The following KIAA1671 variants were observed in gnomAD, a reference collection of about 807,000 sequenced individuals.
The protein encoded by KIAA1671 is KIAA1671.
A neutral mutation model predicts 131.2 loss-of-function variants in KIAA1671; 52 were observed. The ratio of observed to expected loss-of-function variants is 0.40; its 90% confidence interval spans 0.32 to 0.50. The LOEUF (loss-of-function observed/expected upper bound fraction) is 0.50, where lower values mean the gene tolerates loss of function less well. Ranked by LOEUF, KIAA1671 falls within the 20% of genes least tolerant of loss-of-function variation. The probability of loss-of-function intolerance (pLI) is 0.73; values close to 1 mark genes in which losing one functional copy is unlikely to be tolerated. For missense variants in KIAA1671, 2,360 were observed against 2,364.2 expected (o/e 1.00, Z 0.04); for synonymous variants, 1,003 against 961.6 (o/e 1.04, Z -0.80).
intron 1 of KIAA1671, among the ~76,000 whole-genome samples, chr22:24,975,307 A>G (rs1922855059): frequency 6.7e-6 from 1 of 149,406 alleles, no homozygotes; most frequent in South Asian, 2.1e-4. Flanking sequence ...AGTATCAGTG[A>G]TTCTTTTTTT....
At chr22:25,081,940 A>G (rs1342715037) in intron 6 of KIAA1671, among the ~76,000 whole-genome samples, 1 of 152,068 alleles carries the variant, frequency 6.6e-6, no homozygotes, top group Non-Finnish European at 1.5e-5. Flanking sequence ...GCATGTCTAT[A>G]TTTCCAGCTA....
chr22:25,129,012 G>T (rs1322016234), intron 6 of KIAA1671, among the ~76,000 whole-genome samples: 1 of 152,156 alleles, frequency 6.6e-6, no homozygotes, highest in Admixed American at 6.5e-5. Flanking sequence ...GACCAAGGGA[G>T]GCAGCCGCAC....
At chr22:25,118,354 C>T (rs1435295809) in intron 6 of KIAA1671, among the ~76,000 whole-genome samples, 2 of 152,066 alleles carry the variant, frequency 1.3e-5, no homozygotes, top group Admixed American at 6.6e-5. Flanking sequence ...TGTCCCTGAA[C>T]ATGGGAGCCT....
chr22:24,957,671 CTTTTTTTTTTT>C (rs886130979), intron 1 of KIAA1671, among the ~76,000 whole-genome samples: 2 of 100,322 alleles, frequency 2.0e-5, no homozygotes, highest in Admixed American at 1.0e-4. Flanking sequence ...TCTTTTGTTC[CTTTTTTTTTTT>C]TTTTTTTTTT....
At chr22:25,148,839 G>A (rs1932944816) in intron 6 of KIAA1671, among the ~76,000 whole-genome samples, 1 of 152,198 alleles carries the variant, frequency 6.6e-6, no homozygotes, top group Non-Finnish European at 1.5e-5. Context: ...AATGAACAGT[G>A]TTTACTGCAA....
chr22:25,180,352 A>G (rs1160675596), intron 9 of KIAA1671, among the ~76,000 whole-genome samples: 1 of 152,230 alleles, frequency 6.6e-6, no homozygotes, highest in Non-Finnish European at 1.5e-5. Context: ...CATTCTGGCC[A>G]ACATGGTGAA....
chr22:25,024,777 C>T (rs1274010717), intron 1 of KIAA1671: 2 of 152,172 alleles, frequency 1.3e-5, no homozygotes, highest in Non-Finnish European at 2.9e-5. Flanking sequence ...GTGCTAGCCA[C>T]TAGGGATTTG....
intron 1 of KIAA1671, among the ~76,000 whole-genome samples, chr22:25,001,891 T>C (rs1305873362): frequency 3.9e-5 from 6 of 152,038 alleles, no homozygotes; most frequent in Non-Finnish European, 8.8e-5. Flanking sequence ...TTCTACATTA[T>C]GTAAATAAGT....
intron 1 of KIAA1671, among the ~76,000 whole-genome samples, chr22:24,993,802 G>A (rs543620853): frequency 3.9e-4 from 60 of 152,248 alleles, no homozygotes; most frequent in Admixed American, 3.8e-3. Context: ...AAGTGCAGCC[G>A]GGTATGGTGG....
At chr22:24,988,332 A>G (rs942596636) in intron 1 of KIAA1671, among the ~76,000 whole-genome samples, 2 of 150,902 alleles carry the variant, frequency 1.3e-5, no homozygotes, top group East Asian at 3.9e-4. Flanking sequence ...CCAAACTGGG[A>G]GCACTTGTTA....
chr22:25,128,144 C>T (rs1175478238), intron 6 of KIAA1671, among the ~76,000 whole-genome samples: 4 of 152,098 alleles, frequency 2.6e-5, no homozygotes, highest in Admixed American at 6.6e-5. Context: ...CCTGGTGCCA[C>T]GAGGAGAGTA....
chr22:25,020,666 C>T (rs1925615852), intron 1 of KIAA1671, among the ~76,000 whole-genome samples: 2 of 152,098 alleles, frequency 1.3e-5, no homozygotes, highest in Admixed American at 6.5e-5. Flanking sequence ...CTGAACAAGC[C>T]CCACTCATGG....
intron 5 of KIAA1671, among the ~76,000 whole-genome samples, chr22:25,048,136 A>G (rs1927346745): frequency 6.6e-6 from 1 of 152,170 alleles, no homozygotes; most frequent in Admixed American, 6.5e-5. Flanking sequence ...TGGATGGGCA[A>G]GGTGTGGGAG....
intron 6 of KIAA1671, among the ~76,000 whole-genome samples, chr22:25,070,967 A>G (rs1294256726): frequency 6.6e-6 from 1 of 152,234 alleles, no homozygotes; most frequent in Non-Finnish European, 1.5e-5. Flanking sequence ...ATGAAATGCC[A>G]AAGTCAGGGA....
intron 6 of KIAA1671, among the ~76,000 whole-genome samples, chr22:25,081,049 C>A (rs1929377012): frequency 1.3e-5 from 2 of 152,062 alleles, no homozygotes; most frequent in African/African-American, 2.4e-5. Context: ...TTAGAAGGGG[C>A]ATGCCAATCT....
At chr22:25,019,737 A>G (rs893138843) in intron 1 of KIAA1671, among the ~76,000 whole-genome samples, 2 of 151,492 alleles carry the variant, frequency 1.3e-5, no homozygotes, top group Admixed American at 6.6e-5. Context: ...AAGTGCTTCC[A>G]CTTTCCTGTG....
chr22:25,042,187 A>G (rs1926965298), intron 5 of KIAA1671, among the ~76,000 whole-genome samples: 1 of 152,220 alleles, frequency 6.6e-6, no homozygotes, highest in Non-Finnish European at 1.5e-5. Context: ...GTTCAGCCCA[A>G]ACAAGACTTG....
At chr22:25,184,399 A>G (rs1450924281) in intron 10 of KIAA1671, among the ~76,000 whole-genome samples, 1 of 152,194 alleles carries the variant, frequency 6.6e-6, no homozygotes, top group African/African-American at 2.4e-5. Flanking sequence ...GGACAATGGT[A>G]ATGACTGCTG....
chr22:24,970,612 C>A (rs1166766787), intron 1 of KIAA1671, among the ~76,000 whole-genome samples: 1 of 151,970 alleles, frequency 6.6e-6, no homozygotes, highest in Non-Finnish European at 1.5e-5. Flanking sequence ...TCCTTCTCAT[C>A]ATCATCATCA....
Sources: gnomAD v4.1 joint callset for allele counts (sites outside exome capture counted in the v4.1 genomes callset) on GRCh38, gnomAD v4.1.1 for gene constraint, MANE v1.5 for transcripts, NCBI Gene and HGNC (gene_info 2026-07-23, HGNC 2026-07-21) for gene names.